Variants in EPHA3 observed in about 807,000 individuals in gnomAD.
The protein encoded by EPHA3 is EPH receptor A3, also known as ephrin type-A receptor 3.
In EPHA3, 42 loss-of-function variants were observed where a neutral mutation model predicts 107.1. The observed-to-expected ratio is 0.39, with a 90% CI of 0.31 to 0.51. The LOEUF is 0.51. Among genes scored for constraint, EPHA3 ranks in the 20% least tolerant of loss-of-function variants. The pLI is 0.78. For missense variants in EPHA3, 1,183 were observed against 1,211.2 expected (o/e 0.98, Z 0.35); for synonymous variants, 461 against 424.8 (o/e 1.09, Z -1.05).
rs570316905 is a variant in EPHA3 at position 89,444,701 on chromosome 3, A to G, written c.2347-4524A>G. On this transcript the variant is annotated intron_variant, in intron 13 of 16. Transcript: ENST00000336596. ...AGACACTTTTTAAATGGCTTTATAT[A>G]TATTATAAATTCATGACAAATGACA... Among the ~76,000 whole-genome samples the G allele has an allele frequency of 3.2e-4, 48 of 152,186 alleles. No individual in the cohort carries two copies. The South Asian group carries it at 6.4e-3, about 20-fold the overall frequency.
chr3:89,176,845 T>C (rs1705330221), intron 2 of EPHA3, among the ~76,000 whole-genome samples: 1 of 152,180 alleles, frequency 6.6e-6, no homozygotes, highest in South Asian at 2.1e-4. Flanking sequence ...ATTTTCAAAA[T>C]GGCTTTCAAA....
chr3:89,145,798 C>T (rs1455762953), intron 2 of EPHA3, among the ~76,000 whole-genome samples: 1 of 151,590 alleles, frequency 6.6e-6, no homozygotes, highest in Admixed American at 6.6e-5. Context: ...ATCGATTTCT[C>T]ACTCTCCATT....
At chr3:89,425,030 C>T (rs1046687308) in intron 11 of EPHA3, among the ~76,000 whole-genome samples, 2 of 151,284 alleles carry the variant, frequency 1.3e-5, no homozygotes, top group African/African-American at 4.8e-5. Context: ...CTAATTTGAT[C>T]AATTGTAACT....
At chr3:89,348,494 A>G (rs1400806678) in intron 5 of EPHA3, among the ~76,000 whole-genome samples, 1 of 121,892 alleles carries the variant, frequency 8.2e-6, no homozygotes, top group Non-Finnish European at 1.7e-5. Flanking sequence ...TGTCTATTTG[A>G]TTCTTCTCTC....
intron 3 of EPHA3, among the ~76,000 whole-genome samples, chr3:89,252,358 A>G (rs1278456915): frequency 4.6e-5 from 7 of 152,182 alleles, no homozygotes; most frequent in Non-Finnish European, 1.0e-4. Flanking sequence ...TGTTAAGAAA[A>G]ATTCTCAAGT....
intron 2 of EPHA3, among the ~76,000 whole-genome samples, chr3:89,170,829 G>T (rs1436164858): frequency 6.6e-6 from 1 of 151,992 alleles, no homozygotes; most frequent in Non-Finnish European, 1.5e-5. Context: ...GCTCATTTTG[G>T]TTATTTTTGT....
chr3:89,110,701 A>G lies in EPHA3; in HGVS notation c.88+2865A>G, dbSNP rs191604545. ...CAGCTGTTTTTCATGGCAAAATATG[A>G]TTGCTACACTACGTATTATTTTAAA... On this transcript the variant is annotated intron_variant, in intron 1 of 16. Transcript: ENST00000336596. Among the ~76,000 whole-genome samples the G allele has an allele frequency of 1.6e-3, 248 of 152,148 alleles. 6 individuals are homozygous for G. Among genetic ancestry groups the G allele is most frequent in the Admixed American group, 0.015 (228 of 15,282 alleles).
At chr3:89,296,716 C>A (rs1258023200) in intron 3 of EPHA3, among the ~76,000 whole-genome samples, 1 of 152,186 alleles carries the variant, frequency 6.6e-6, no homozygotes, top group African/African-American at 2.4e-5. Flanking sequence ...CCCTTTGAAA[C>A]TTCAAAGCTA....
intron 13 of EPHA3, among the ~76,000 whole-genome samples, chr3:89,434,066 A>C (rs1709619435): frequency 6.6e-6 from 1 of 152,152 alleles, no homozygotes; most frequent in Admixed American, 6.5e-5. Context: ...ATGCTTACTT[A>C]TATTGTCCGT....
intron 3 of EPHA3, among the ~76,000 whole-genome samples, chr3:89,320,436 G>C (rs537262645): frequency 6.6e-6 from 1 of 151,984 alleles, no homozygotes; most frequent in Non-Finnish European, 1.5e-5. Context: ...GAAACTAAAG[G>C]TGACTACAGG....
intron 3 of EPHA3, among the ~76,000 whole-genome samples, chr3:89,325,221 A>G (rs528037831): frequency 1.3e-5 from 2 of 152,292 alleles, no homozygotes; most frequent in Admixed American, 6.5e-5. Context: ...TGCACTCTGC[A>G]TCATCTAAAA....
chr3:89,311,444 G>A (rs1423869361), intron 3 of EPHA3, among the ~76,000 whole-genome samples: 2 of 152,014 alleles, frequency 1.3e-5, no homozygotes, highest in Non-Finnish European at 2.9e-5. Context: ...ACAAAAGGTG[G>A]TGGTGTGATT....
At chr3:89,279,493 A>G (rs1426870034) in intron 3 of EPHA3, among the ~76,000 whole-genome samples, 1 of 152,196 alleles carries the variant, frequency 6.6e-6, no homozygotes, top group African/African-American at 2.4e-5. Flanking sequence ...GCTAAGAAAT[A>G]TGTCTAAGAA....
rs1393322596 is a variant in EPHA3, at chr3:89,200,340, C to G, written c.154-9520C>G. Among the ~76,000 whole-genome samples, 14 of 152,090 alleles carry G rather than the reference C, an allele frequency of 9.2e-5. No individual in the cohort carries two copies. The South Asian group carries it at 2.7e-3, about 29-fold the overall frequency. Reference sequence around the variant, plus strand: ...AATATGTTTTGGTATATCCAAAATTCTAAGATAAGCTGAGTTACTATCTTC... The same window carrying G: ...AATATGTTTTGGTATATCCAAAATTGTAAGATAAGCTGAGTTACTATCTTC... On this transcript the variant is annotated intron_variant, in intron 2 of 16. Coordinates refer to ENST00000336596, the MANE Select transcript of EPHA3 (RefSeq NM_005233.6).
intron 12 of EPHA3, among the ~76,000 whole-genome samples, chr3:89,429,913 A>G (rs904114316): frequency 8.6e-5 from 13 of 151,984 alleles, no homozygotes; most frequent in African/African-American, 2.9e-4. Context: ...ACAGGCGCCC[A>G]CCATCATGCC....
Position 89,450,220 on chromosome 3 carries a change from T to A in EPHA3, c.2540T>A (p.Met847Lys), listed in dbSNP as rs745355919. 1.2e-6 allele frequency: 2 copies of A among 1,612,866 alleles called. No homozygotes were observed. Among genetic ancestry groups the A allele is most frequent in the Non-Finnish European group, 8.5e-7 (1 of 1,179,514 alleles). ...GAGGGCTATCGACTGCCACCCCCCA[T>A]GGACTGCCCAGCTGCCTTGTATCAG... ...VDEGYRLPPP[M>K]DCPAALYQLM... The change falls in exon 15 of 17, where the codon ATG (methionine) becomes AAG (lysine). Residue 847 changes from methionine (M) to lysine (K), a missense_variant. Coordinates refer to ENST00000336596, the MANE Select transcript of EPHA3 (RefSeq NM_005233.6).
chr3:89,364,087 C>T (rs1708145680), intron 5 of EPHA3, among the ~76,000 whole-genome samples: 2 of 150,672 alleles, frequency 1.3e-5, no homozygotes, highest in African/African-American at 4.8e-5. Flanking sequence ...TTCTTATGTG[C>T]CTTCTGTGCA....
chr3:89,180,719 T>TC lies in EPHA3; in HGVS notation c.154-29140dup, dbSNP rs542416302. On this transcript the variant is annotated intron_variant, in intron 2 of 16. Transcript: ENST00000336596. Reference sequence around the variant, plus strand: ...TGACTCCAGCTTTGTCATTTATTTTTCTCTGTCGTTATTTTTTAAGGAAAA... The same window carrying TC: ...TGACTCCAGCTTTGTCATTTATTTTTCCTCTGTCGTTATTTTTTAAGGAAAA... 4.5e-4 allele frequency among the ~76,000 whole-genome samples: 69 copies of TC among 152,138 alleles called. 1 individual carries two copies. In the East Asian group the frequency reaches 0.012, roughly 26 times the overall value.
chr3:89,226,500 CAAAAT>C (rs1221808906), intron 3 of EPHA3, among the ~76,000 whole-genome samples: 2 of 152,012 alleles, frequency 1.3e-5, no homozygotes, highest in East Asian at 3.9e-4. Context: ...CCAAAATAAA[CAAAAT>C]AAAATTTCAC....
Sources: allele counts gnomAD v4.1 joint callset (sites outside exome capture counted in the v4.1 genomes callset), GRCh38; gene constraint gnomAD v4.1.1; transcripts MANE v1.5; gene names NCBI Gene and HGNC (gene_info 2026-07-23, HGNC 2026-07-21).